COL4A6: variants seen among roughly 807,000 people sequenced by gnomAD.
The protein encoded by COL4A6 is collagen type IV alpha 6 chain, also known as collagen alpha-6(IV) chain.
COL4A6 carries 59 observed loss-of-function variants against 126.7 expected under a neutral mutation model. The observed-to-expected ratio is 0.47, with a 90% confidence interval of 0.38 to 0.58. COL4A6 has a LOEUF of 0.58. Ranked by LOEUF, COL4A6 falls within the 20% of genes least tolerant of loss-of-function variation. The pLI, the probability that COL4A6 is intolerant of heterozygous loss-of-function variation, is 0.00. For missense variants in COL4A6, 1,285 were observed against 1,337.3 expected (o/e 0.96, Z 0.61); for synonymous variants, 547 against 496.6 (o/e 1.10, Z -1.35).
In COL4A6 at chrX:108,310,229, C is replaced by T. The variant is rs139023437; in HGVS notation, c.144+519G>A. On this transcript the variant is annotated intron_variant, in intron 3 of 44. Transcript: ENST00000334504. ...CGGACTGTGTCACAACACTTTAAAA[C>T]GTATCCTATGTTGTAATTTAATACC... is the stretch of plus-strand genomic sequence containing the variant. Among the ~76,000 whole-genome samples, 384 of 111,649 alleles carry T rather than the reference C, an allele frequency of 3.4e-3. 3 individuals are homozygous for T. The highest frequency in any genetic ancestry group is 0.012 in the African/African-American group (362 of 30,761).
intron 23 of COL4A6, 40 bp downstream of exon 23, chrX:108,187,056 C>G (rs112045771): frequency 2.0e-5 from 21 of 1,074,530 alleles, no homozygotes; most frequent in African/African-American, 1.9e-4. Context: ...TACAAGGGGT[C>G]AAATTTCCAA....
chrX:108,413,999 C>T (rs151192756), intron 2 of COL4A6, among the ~76,000 whole-genome samples: 139 of 111,934 alleles, frequency 1.2e-3, no homozygotes, highest in African/African-American at 4.3e-3. Flanking sequence ...CAGAGCAAAG[C>T]GAAATTCATA....
At position 108,332,449 on chromosome X, in the gene COL4A6, G is replaced by T. The variant is rs965364382; in HGVS notation, c.64-21621C>A. On this transcript the variant is annotated intron_variant, in intron 2 of 44. Coordinates refer to ENST00000334504, the MANE Select transcript of COL4A6 (RefSeq NM_033641.4). ...TCCTATACTGCTTTCCATACCAGTT[G>T]TACTAATTTACATTCCCACCAACAG... 2.7e-5 allele frequency among the ~76,000 whole-genome samples: 3 copies of T among 111,748 alleles called. No individual in the cohort carries two copies. In the Admixed American group the frequency reaches 2.8e-4, roughly 11 times the overall value.
chrX:108,159,196 G>A (rs1025344111), intron 44 of COL4A6, among the ~76,000 whole-genome samples: 1 of 111,747 alleles, frequency 8.9e-6, no homozygotes, highest in Non-Finnish European at 1.9e-5. Flanking sequence ...TAACTGAAGC[G>A]GGCATGGAGA....
chrX:108,308,941 C>T (rs1031390591), intron 3 of COL4A6, among the ~76,000 whole-genome samples: 2 of 111,272 alleles, frequency 1.8e-5, no homozygotes, highest in African/African-American at 6.5e-5. Context: ...ACCTAAGTAG[C>T]TGTCAAAAGG....
intron 2 of COL4A6, among the ~76,000 whole-genome samples, chrX:108,353,912 G>A (rs1272503281): frequency 8.9e-6 from 1 of 112,304 alleles, no homozygotes; most frequent in Middle Eastern, 4.7e-3. Flanking sequence ...TAGCACTTTG[G>A]GAGGCTGAGG....
At chrX:108,332,683 T>C (rs770078253) in intron 2 of COL4A6, among the ~76,000 whole-genome samples, 1 of 111,724 alleles carries the variant, frequency 9.0e-6, no homozygotes, top group East Asian at 2.8e-4. Context: ...CCTTTGCCCA[T>C]TTTTAATAGA....
At chrX:108,393,657 A>G (rs2040887756) in intron 2 of COL4A6, among the ~76,000 whole-genome samples, 1 of 112,749 alleles carries the variant, frequency 8.9e-6, no homozygotes, top group East Asian at 2.7e-4. Context: ...TTACATCTCA[A>G]TAAAGCTGTC....
At chrX:108,204,820 G>T (rs962357042) in intron 11 of COL4A6, among the ~76,000 whole-genome samples, 41 of 111,772 alleles carry the variant, frequency 3.7e-4, no homozygotes, top group Admixed American at 1.0e-3. Flanking sequence ...GGAGGCAAGA[G>T]TTGTTCCTTC....
chrX:108,157,343 G>A (rs1312544231), intron 44 of COL4A6, 83 bp from the exon 45 acceptor site: 1 of 1,121,592 alleles, frequency 8.9e-7, no homozygotes, highest in East Asian at 3.0e-5. Context: ...ACTGCTACAG[G>A]GGCACATGAG....
intron 3 of COL4A6, among the ~76,000 whole-genome samples, chrX:108,306,810 A>T (rs1300953721): frequency 9.0e-6 from 1 of 111,657 alleles, no homozygotes; most frequent in Non-Finnish European, 1.9e-5. Flanking sequence ...GGGCAATCCA[A>T]GCATTCCCCA....
At chrX:108,214,647 A>G (rs1416919522) in intron 5 of COL4A6, among the ~76,000 whole-genome samples, 1 of 112,383 alleles carries the variant, frequency 8.9e-6, no homozygotes, top group Non-Finnish European at 1.9e-5. Context: ...CATGACATTC[A>G]GTATTGGAAG....
At chrX:108,240,497 T>C (rs751800217) in intron 3 of COL4A6, among the ~76,000 whole-genome samples, 1 of 112,326 alleles carries the variant, frequency 8.9e-6, no homozygotes, top group South Asian at 3.7e-4. Flanking sequence ...TTATTGTAAA[T>C]GGTAATTTTA....
At chrX:108,223,969 G>A (rs1490558647) in intron 3 of COL4A6, among the ~76,000 whole-genome samples, 1 of 111,981 alleles carries the variant, frequency 8.9e-6, no homozygotes, top group Non-Finnish European at 1.9e-5. Context: ...GGAAGGGGAA[G>A]AGGACAGTAA....
In COL4A6 at chrX:108,169,930, G is replaced by A. The variant is rs1187778796; in HGVS notation, c.3565+15C>T. 8.5e-7 allele frequency: 1 copy of A among 1,172,424 alleles called. No individual in the cohort carries two copies. Reference sequence around the variant, plus strand: ...GAGCTGATGCCCTCCTCTTCACCCTGAGGGTCTTCCTAACCTGGAGTGCCA... The same window carrying A: ...GAGCTGATGCCCTCCTCTTCACCCTAAGGGTCTTCCTAACCTGGAGTGCCA... On this transcript the variant is annotated intron_variant, in intron 36 of 44. Transcript: ENST00000334504.
chrX:108,270,280 G>A (rs2037413356), intron 3 of COL4A6, among the ~76,000 whole-genome samples: 1 of 112,441 alleles, frequency 8.9e-6, no homozygotes, highest in Admixed American at 9.4e-5. Flanking sequence ...AAGAGGTGGA[G>A]TATATTTCCC....
At chrX:108,383,421 TG>T in intron 2 of COL4A6, 1 of 496,715 alleles carries the variant, frequency 2.0e-6, no homozygotes, top group Non-Finnish European at 3.8e-6. Flanking sequence ...TCAACCCTGA[TG>T]GCTTCCTGGG....
At chrX:108,430,005 G>A (rs562340313) in intron 2 of COL4A6, among the ~76,000 whole-genome samples, 46 of 111,928 alleles carry the variant, frequency 4.1e-4, no homozygotes, top group Middle Eastern at 4.6e-3. Flanking sequence ...TAAGTACAAG[G>A]TTGAAGAATG....
intron 3 of COL4A6, among the ~76,000 whole-genome samples, chrX:108,252,537 G>C (rs2036876122): frequency 9.0e-6 from 1 of 111,294 alleles, no homozygotes; most frequent in South Asian, 3.8e-4. Flanking sequence ...CTCCATCAAA[G>C]AAAAGCTCAG....
Sources: gnomAD v4.1 joint callset for allele counts (sites outside exome capture counted in the v4.1 genomes callset) on GRCh38, gnomAD v4.1.1 for gene constraint, MANE v1.5 for transcripts, NCBI Gene and HGNC (gene_info 2026-07-23, HGNC 2026-07-21) for gene names.